Variants in ARMH3 observed in about 807,000 individuals in gnomAD.
ARMH3 encodes the protein armadillo-like helical domain-containing protein 3.
ARMH3 carries 60 observed loss-of-function variants against 99.1 expected under a neutral mutation model. The observed-to-expected ratio is 0.61, with a 90% CI of 0.49 to 0.75. The LOEUF (loss-of-function observed/expected upper bound fraction) is 0.75. Among genes scored for constraint, ARMH3 ranks in the 30% least tolerant of loss-of-function variants. ARMH3 has a pLI of 0.00. For synonymous variants in ARMH3, 285 were observed against 292.8 expected, an observed-to-expected ratio of 0.97 and a Z score of 0.27; for missense variants, 679 against 843.1, an observed-to-expected ratio of 0.81 and a Z score of 2.41.
chr10:101,956,925 G>T (rs1328243282), intron 21 of ARMH3, among the ~76,000 whole-genome samples: 1 of 152,028 alleles, frequency 6.6e-6, no homozygotes, highest in Non-Finnish European at 1.5e-5. Flanking sequence ...ATATTAAAAT[G>T]AAAGTAATAA....
intron 24 of ARMH3, among the ~76,000 whole-genome samples, chr10:101,878,908 T>C (rs1316920786): frequency 2.0e-5 from 3 of 152,206 alleles, no homozygotes; most frequent in Non-Finnish European, 4.4e-5. Flanking sequence ...GGGACCTTTC[T>C]GAGACACTTG....
At chr10:101,879,721 CCTTTT>C (rs1465066994) in intron 24 of ARMH3, among the ~76,000 whole-genome samples, 3 of 152,100 alleles carry the variant, frequency 2.0e-5, no homozygotes, top group African/African-American at 4.8e-5. Context: ...TTGTTCCTTT[CCTTTT>C]ATCTATTTGC....
rs368889444 is a variant in ARMH3 at position 102,001,797 on chromosome 10, T to C, written c.1150+174A>G. ...AGCTTCAGGTTTTCCCAACACCACCTAATTGCCATCTAGCAATTAGGTGAG... is the reference window on the plus strand; with the variant it reads ...AGCTTCAGGTTTTCCCAACACCACCCAATTGCCATCTAGCAATTAGGTGAG... On this transcript the variant is annotated intron_variant, in intron 15 of 25. Coordinates refer to ENST00000370033, the MANE Select transcript of ARMH3 (RefSeq NM_024541.3). 1.7e-4 allele frequency among the ~76,000 whole-genome samples: 26 copies of C among 152,330 alleles called. No individual in the cohort carries two copies. In the South Asian group the frequency reaches 3.1e-3, roughly 18 times the overall value.
At chr10:101,863,633 GA>G (rs2066923241) in intron 24 of ARMH3, among the ~76,000 whole-genome samples, 1 of 152,018 alleles carries the variant, frequency 6.6e-6, no homozygotes, top group Non-Finnish European at 1.5e-5. Flanking sequence ...TAGAAATTTT[GA>G]AAAAATTGGT....
In ARMH3 at chr10:101,985,380, G is replaced by GTATA. The variant is rs1416410087; in HGVS notation, c.1406+5167_1406+5170dup. ...ATATGTATACATGTATATATAATAC[G>GTATA]TATATATACATACATACATGTGTAT... On this transcript the variant is annotated intron_variant, in intron 19 of 25. Coordinates refer to ENST00000370033, the MANE Select transcript of ARMH3 (RefSeq NM_024541.3). Among the ~76,000 whole-genome samples, 197 of 150,266 alleles carry GTATA rather than the reference G, an allele frequency of 1.3e-3. 2 individuals are homozygous for GTATA. The highest frequency in any genetic ancestry group is 4.4e-3 in the African/African-American group (181 of 40,770).
intron 24 of ARMH3, among the ~76,000 whole-genome samples, chr10:101,884,057 G>A (rs1166378269): frequency 6.6e-6 from 1 of 151,854 alleles, no homozygotes; most frequent in African/African-American, 2.4e-5. Flanking sequence ...GGCCACTAGC[G>A]AGGGACAAGC....
At position 101,962,243 on chromosome 10, in the gene ARMH3, C is replaced by T. The variant is rs1249832817; in HGVS notation, c.1496-4511G>A. ...ACTTTCCAAACCTGAAGAGATAATG[C>T]CCATGGGCCCATACTCCACATCCCT... On this transcript the variant is annotated intron_variant, in intron 20 of 25. Coordinates refer to ENST00000370033, the MANE Select transcript of ARMH3 (RefSeq NM_024541.3). Among the ~76,000 whole-genome samples the T allele has an allele frequency of 2.0e-5, 3 of 152,260 alleles. No homozygotes were observed. The East Asian group carries it at 5.8e-4, about 29-fold the overall frequency.
At chr10:101,877,603 CTG>C (rs946575186) in intron 24 of ARMH3, among the ~76,000 whole-genome samples, 1 of 151,996 alleles carries the variant, frequency 6.6e-6, no homozygotes, top group Admixed American at 6.6e-5. Flanking sequence ...TTGCAGTGAG[CTG>C]TGATTGTGCC....
intron 24 of ARMH3, among the ~76,000 whole-genome samples, chr10:101,850,812 C>A (rs915558098): frequency 4.6e-5 from 7 of 152,138 alleles, no homozygotes; most frequent in Admixed American, 1.3e-4. Context: ...GGCAAAAGAG[C>A]ATGAGAAGAG....
At chr10:101,996,603 C>T (rs1847068910) in intron 15 of ARMH3, among the ~76,000 whole-genome samples, 1 of 152,158 alleles carries the variant, frequency 6.6e-6, no homozygotes, top group South Asian at 2.1e-4. Flanking sequence ...GCACTATCCT[C>T]CCACAAACTG....
intron 4 of ARMH3, among the ~76,000 whole-genome samples, chr10:102,031,455 G>A (rs762321594): frequency 4.6e-5 from 7 of 152,128 alleles, no homozygotes; most frequent in Admixed American, 4.6e-4. Flanking sequence ...TACAATTCAT[G>A]CCCACACAAT....
At chr10:102,005,617 T>C (rs546856522) in intron 14 of ARMH3, among the ~76,000 whole-genome samples, 13 of 152,164 alleles carry the variant, frequency 8.5e-5, no homozygotes, top group Admixed American at 3.3e-4. Context: ...AGTATCAAAG[T>C]TGGATTGTCT....
At chr10:101,880,940 T>C (rs2067399877) in intron 24 of ARMH3, among the ~76,000 whole-genome samples, 1 of 152,214 alleles carries the variant, frequency 6.6e-6, no homozygotes, top group African/African-American at 2.4e-5. Context: ...AGCAGTTATT[T>C]ATAATGACTC....
intron 5 of ARMH3, among the ~76,000 whole-genome samples, chr10:102,029,034 G>A (rs1025574302): frequency 3.3e-5 from 5 of 151,902 alleles, no homozygotes; most frequent in Admixed American, 6.6e-5. Flanking sequence ...GCCACCATAC[G>A]CAGATAATTT....
chr10:102,014,443 G>A (rs1438397058), intron 8 of ARMH3, among the ~76,000 whole-genome samples: 2 of 152,186 alleles, frequency 1.3e-5, no homozygotes, highest in Admixed American at 1.3e-4. Flanking sequence ...CTTGCCATAA[G>A]GCACATATTT....
intron 23 of ARMH3, among the ~76,000 whole-genome samples, chr10:101,921,008 G>GT (rs1843285213): frequency 6.6e-6 from 1 of 152,130 alleles, no homozygotes; most frequent in Non-Finnish European, 1.5e-5. Flanking sequence ...ATGGGGAGTT[G>GT]TTTAATCAGT....
chr10:101,912,357 C>A (rs1476127428), intron 23 of ARMH3, among the ~76,000 whole-genome samples: 2 of 138,676 alleles, frequency 1.4e-5, no homozygotes, highest in African/African-American at 5.5e-5. Flanking sequence ...CGTGCCACTG[C>A]ACTCCAGCCT....
At position 101,989,654 on chromosome 10, in the gene ARMH3, G is replaced by C. The variant is rs563297764; in HGVS notation, c.1406+897C>G. On this transcript the variant is annotated intron_variant, in intron 19 of 25. Coordinates refer to ENST00000370033, the MANE Select transcript of ARMH3 (RefSeq NM_024541.3). ...AAGAATCACTTGAACCTGGGAAGCA[G>C]AGGTTGCAGTGAGCCGAGATCATGC... Among the ~76,000 whole-genome samples the C allele has an allele frequency of 3.3e-5, 5 of 152,348 alleles. No homozygotes were observed. The South Asian group carries it at 1.0e-3, about 32-fold the overall frequency.
intron 23 of ARMH3, among the ~76,000 whole-genome samples, chr10:101,931,260 C>T (rs1843709168): frequency 6.6e-6 from 1 of 152,204 alleles, no homozygotes; most frequent in Non-Finnish European, 1.5e-5. Flanking sequence ...GGTGCGATGG[C>T]TCACGCCTGT....
Sources: gnomAD v4.1 joint callset for allele counts (sites outside exome capture counted in the v4.1 genomes callset) on GRCh38, gnomAD v4.1.1 for gene constraint, MANE v1.5 for transcripts, NCBI Gene and HGNC (gene_info 2026-07-23, HGNC 2026-07-21) for gene names.